The following ABCB1 variants were observed in gnomAD, a reference collection of about 807,000 sequenced individuals.
The protein encoded by ABCB1 is ATP-dependent translocase ABCB1.
Under a neutral mutation model 142.0 loss-of-function variants are expected in ABCB1, and 69 were observed. That is an observed-to-expected ratio of 0.49 (90% CI 0.40 to 0.59). ABCB1 has a LOEUF of 0.59. ABCB1 is among the 20% of genes least tolerant of loss of function. The pLI is 0.00. For missense variants in ABCB1, 1,326 were observed against 1,554.7 expected (o/e 0.85, Z 2.47); for synonymous variants, 532 against 539.2 (o/e 0.99, Z 0.18).
At chr7:87,688,383 CAT>C (rs1005232204) in intron 1 of ABCB1, among the ~76,000 whole-genome samples, 5 of 151,612 alleles carry the variant, frequency 3.3e-5, no homozygotes, top group African/African-American at 9.7e-5. Context: ...GTAATATATA[CAT>C]ATATATACAC....
intron 4 of ABCB1, among the ~76,000 whole-genome samples, chr7:87,577,448 A>G (rs1818316016): frequency 1.3e-5 from 2 of 152,094 alleles, no homozygotes. Flanking sequence ...ACTGGATCAT[A>G]TGGTAGTTTA....
At chr7:87,552,284 A>C (rs1344564330) in intron 9 of ABCB1, among the ~76,000 whole-genome samples, 2 of 152,204 alleles carry the variant, frequency 1.3e-5, no homozygotes, top group Non-Finnish European at 2.9e-5. Flanking sequence ...ACATGGAATT[A>C]TATTGCTCAA....
intron 21 of ABCB1, among the ~76,000 whole-genome samples, chr7:87,523,285 A>AT (rs1029363060): frequency 2.0e-5 from 3 of 152,124 alleles, no homozygotes; most frequent in Non-Finnish European, 2.9e-5. Flanking sequence ...GCTTGAATTA[A>AT]TTTTTTTAAT....
chr7:87,656,236 A>G (rs1298498999), intron 1 of ABCB1, among the ~76,000 whole-genome samples: 1 of 152,142 alleles, frequency 6.6e-6, no homozygotes, highest in Non-Finnish European at 1.5e-5. Flanking sequence ...CATATATACA[A>G]TTTGTATTTG....
In ABCB1 at chr7:87,688,855, A is replaced by G. The variant is rs191182216; in HGVS notation, c.-331+24306T>C. Among the ~76,000 whole-genome samples the G allele has an allele frequency of 4.7e-4, 72 of 152,058 alleles. No homozygotes were observed. The Middle Eastern group carries it at 0.021, about 44-fold the overall frequency. ...GGTATTTCTGGGTGAACAAAATCTT[A>G]TGTATTTGTATTTATTTATAATGAA... On this transcript the variant is annotated intron_variant, in intron 1 of 28. Transcript: ENST00000265724.
At chr7:87,582,086 T>G (rs1199222585) in intron 4 of ABCB1, among the ~76,000 whole-genome samples, 1 of 152,078 alleles carries the variant, frequency 6.6e-6, no homozygotes, top group Non-Finnish European at 1.5e-5. Flanking sequence ...GATAGTGTAG[T>G]AAGCGTCCTA....
chr7:87,657,564 A>ACT (rs1206479452), intron 1 of ABCB1, among the ~76,000 whole-genome samples: 1 of 151,526 alleles, frequency 6.6e-6, no homozygotes, highest in African/African-American at 2.4e-5. Context: ...CTGGTCAAAA[A>ACT]CTCTCTCTCT....
At chr7:87,648,673 G>A (rs1823268935) in intron 1 of ABCB1, among the ~76,000 whole-genome samples, 1 of 152,054 alleles carries the variant, frequency 6.6e-6, no homozygotes, top group Admixed American at 6.6e-5. Flanking sequence ...GTTTTAAAGT[G>A]TACTAAATAA....
chr7:87,691,632 A>G (rs1313876191), intron 1 of ABCB1, among the ~76,000 whole-genome samples: 1 of 152,156 alleles, frequency 6.6e-6, no homozygotes, highest in Admixed American at 6.5e-5. Context: ...ACGCTTGTTT[A>G]TTTAAAGAGC....
chr7:87,685,444 CT>C (rs1360472175), intron 1 of ABCB1, among the ~76,000 whole-genome samples: 1 of 152,170 alleles, frequency 6.6e-6, no homozygotes, highest in Admixed American at 6.6e-5. Context: ...ACCCAAGTAT[CT>C]TTCATGTGAT....
chr7:87,604,496 T>C (rs1202666372), upstream of ABCB1, among the ~76,000 whole-genome samples: 1 of 152,008 alleles, frequency 6.6e-6, no homozygotes, highest in Non-Finnish European at 1.5e-5. Context: ...TCACATGTAA[T>C]GATTTTTATG....
rs545368284 is a variant in ABCB1, at chr7:87,709,842, C to A, written c.-331+3319G>T. Reference sequence around the variant, plus strand: ...ATGAAAATAATTGATTTATGAAGTTCTTACTACAAATATGATCTCTTATAT... The same window carrying A: ...ATGAAAATAATTGATTTATGAAGTTATTACTACAAATATGATCTCTTATAT... On this transcript the variant is annotated intron_variant, in intron 1 of 28. Coordinates refer to the ABCB1 transcript ENST00000265724. Among the ~76,000 whole-genome samples the A allele has an allele frequency of 2.6e-5, 4 of 152,218 alleles. No homozygotes were observed. In the South Asian group the frequency reaches 8.3e-4, roughly 32 times the overall value.
At chr7:87,521,796 C>A in intron 21 of ABCB1, 1 of 787,992 alleles carries the variant, frequency 1.3e-6, no homozygotes, top group Non-Finnish European at 2.3e-6. Context: ...TTGTTGGTGG[C>A]ATTAAAGACA....
chr7:87,529,728 T>G (rs1010564286), intron 21 of ABCB1, among the ~76,000 whole-genome samples: 1 of 152,244 alleles, frequency 6.6e-6, no homozygotes, highest in African/African-American at 2.4e-5. Flanking sequence ...TAGAATGCTT[T>G]CTCCTTTTTT....
intron 14 of ABCB1, 116 bp from the exon 15 acceptor site, chr7:87,546,140 T>C (rs1403703958): frequency 2.0e-6 from 2 of 978,452 alleles, no homozygotes; most frequent in Non-Finnish European, 3.2e-6. Context: ...ATCAAATCTA[T>C]ATAAGATAGC....
intron 1 of ABCB1, among the ~76,000 whole-genome samples, chr7:87,711,104 A>T (rs1204774319): frequency 6.6e-6 from 1 of 152,102 alleles, no homozygotes; most frequent in Admixed American, 6.6e-5. Flanking sequence ...AGGCTGGCAG[A>T]TCACCTGAGG....
chr7:87,520,051 T>G (rs930485440), intron 22 of ABCB1, among the ~76,000 whole-genome samples: 1 of 152,152 alleles, frequency 6.6e-6, no homozygotes, highest in African/African-American at 2.4e-5. Context: ...TCTAGAATCA[T>G]GATATGGATC....
At chr7:87,694,135 T>C (rs1828284171) in intron 1 of ABCB1, 7 of 635,556 alleles carry the variant, frequency 1.1e-5, no homozygotes, top group Admixed American at 6.3e-5. Context: ...ACAAGTATGC[T>C]TATGCTAATT....
Position 87,620,216 on chromosome 7 carries a change from A to G in ABCB1, c.-330-19138T>C, listed in dbSNP as rs1469948778. ...CGCTCTGTTGCCCAGGCTGGACTGC[A>G]ATGGCACGATCTTGACTCACTGCAA... On this transcript the variant is annotated intron_variant, in intron 1 of 28. Transcript: ENST00000265724. Among the ~76,000 whole-genome samples, 3 of 151,666 alleles carry G rather than the reference A, an allele frequency of 2.0e-5. No individual in the cohort carries two copies. The East Asian group carries it at 5.8e-4, about 29-fold the overall frequency.
Sources: allele counts gnomAD v4.1 joint callset (sites outside exome capture counted in the v4.1 genomes callset), GRCh38; gene constraint gnomAD v4.1.1; transcripts MANE v1.5; gene names NCBI Gene and HGNC (gene_info 2026-07-23, HGNC 2026-07-21).